The following NCALD variants were observed in gnomAD, a reference collection of about 807,000 sequenced individuals.
NCALD encodes neurocalcin-delta.
Under a neutral mutation model 18.6 loss-of-function variants are expected in NCALD, and 10 were observed. The observed-to-expected ratio is 0.54, with a 90% CI of 0.33 to 0.91. The LOEUF is 0.91. NCALD is among the 40% of genes least tolerant of loss of function. The pLI is 0.03. For missense variants in NCALD, 184 were observed against 247.6 expected (o/e 0.74, Z 1.72); for synonymous variants, 88 against 87.4 (o/e 1.01, Z -0.04).
chr8:101,872,487 G>A, intron 4 of NCALD: 1 of 811,676 alleles, frequency 1.2e-6, no homozygotes, highest in South Asian at 1.4e-5. Context: ...TTTCCTTGGT[G>A]GGTAAGATGC....
intron 2 of NCALD, among the ~76,000 whole-genome samples, chr8:101,710,433 A>G (rs576399955): frequency 1.3e-5 from 2 of 152,306 alleles, no homozygotes; most frequent in East Asian, 3.9e-4. Flanking sequence ...CTCCCCTGGA[A>G]AGGGGGCTGA....
At chr8:102,073,125 C>T (rs561392006) in intron 1 of NCALD, among the ~76,000 whole-genome samples, 5 of 152,060 alleles carry the variant, frequency 3.3e-5, no homozygotes, top group South Asian at 2.1e-4. Flanking sequence ...TAGAATATTG[C>T]AAAGTTATTT....
rs75011017 is a variant in NCALD, at chr8:101,871,666, A to C, written c.-20+15475T>G. On this transcript the variant is annotated intron_variant, in intron 4 of 6. Coordinates refer to the NCALD transcript ENST00000311028. Reference sequence around the variant, plus strand: ...TAGTTTAAAAAAAGAGTTCCAAAATATTTAACAGAATTTCCAGCAATTATT... The same window carrying C: ...TAGTTTAAAAAAAGAGTTCCAAAATCTTTAACAGAATTTCCAGCAATTATT... Among the ~76,000 whole-genome samples the C allele has an allele frequency of 4.5e-4, 69 of 152,004 alleles. 1 individual carries two copies. In the East Asian group the frequency reaches 0.013, roughly 28 times the overall value.
intron 2 of NCALD, among the ~76,000 whole-genome samples, chr8:101,707,903 T>A (rs930593473): frequency 4.6e-4 from 70 of 151,686 alleles, no homozygotes; most frequent in African/African-American, 1.4e-3. Flanking sequence ...AATAAATAAA[T>A]AATAAATAAA....
intron 1 of NCALD, among the ~76,000 whole-genome samples, chr8:101,751,230 C>T (rs1048963768): frequency 2.6e-5 from 4 of 151,976 alleles, no homozygotes; most frequent in African/African-American, 7.2e-5. Context: ...ATGAAAGAAG[C>T]GAGACATAGG....
At chr8:101,699,681 T>C (rs1246135983) in intron 2 of NCALD, among the ~76,000 whole-genome samples, 1 of 152,084 alleles carries the variant, frequency 6.6e-6, no homozygotes, top group African/African-American at 2.4e-5. Flanking sequence ...AAACACCACA[T>C]ATTCTCACTC....
intron 1 of NCALD, among the ~76,000 whole-genome samples, chr8:102,038,820 T>C (rs1003996432): frequency 6.6e-6 from 1 of 152,138 alleles, no homozygotes; most frequent in Non-Finnish European, 1.5e-5. Context: ...GATAGGATGG[T>C]CACTTCCTCA....
At chr8:102,099,742 GAGACC>G (rs1052183915) in intron 1 of NCALD, among the ~76,000 whole-genome samples, 1 of 151,952 alleles carries the variant, frequency 6.6e-6, no homozygotes, top group African/African-American at 2.4e-5. Context: ...TCAGGAGTTT[GAGACC>G]AGCCTGGCCA....
chr8:101,707,903 T>TA (rs1468544552), intron 2 of NCALD, among the ~76,000 whole-genome samples: 1 of 151,572 alleles, frequency 6.6e-6, no homozygotes, highest in African/African-American at 2.4e-5. Context: ...AATAAATAAA[T>TA]AATAAATAAA....
intron 1 of NCALD, among the ~76,000 whole-genome samples, chr8:102,083,679 C>G (rs533759580): frequency 6.6e-6 from 1 of 152,326 alleles, no homozygotes; most frequent in South Asian, 2.1e-4. Context: ...TAGCTATTCT[C>G]TATGATCATA....
intron 2 of NCALD, among the ~76,000 whole-genome samples, chr8:101,962,120 A>C (rs761493727): frequency 6.6e-6 from 1 of 152,176 alleles, no homozygotes; most frequent in Non-Finnish European, 1.5e-5. Flanking sequence ...GTCCATACTT[A>C]ACCACTCAAA....
intron 1 of NCALD, among the ~76,000 whole-genome samples, chr8:101,769,998 G>A (rs1481418867): frequency 2.0e-5 from 3 of 152,160 alleles, no homozygotes; most frequent in Non-Finnish European, 4.4e-5. Flanking sequence ...TTCACAGATT[G>A]ATGAAGCTTT....
At chr8:101,745,838 C>T (rs1220728623) in intron 1 of NCALD, 1 of 152,222 alleles carries the variant, frequency 6.6e-6, no homozygotes, top group Non-Finnish European at 1.5e-5. Context: ...CACCTCACTT[C>T]ACAGATGAGG....
At chr8:101,868,798 C>T (rs1262634343) in intron 4 of NCALD, among the ~76,000 whole-genome samples, 4 of 152,216 alleles carry the variant, frequency 2.6e-5, no homozygotes, top group Admixed American at 6.5e-5. Flanking sequence ...ATCCTGTAAC[C>T]AGGGTCCTTG....
Position 101,998,697 on chromosome 8 carries a change from C to A in NCALD, c.-157+21540G>T, listed in dbSNP as rs115627248. On this transcript the variant is annotated intron_variant, in intron 2 of 6. Transcript: ENST00000311028. ...TACCCCTGCTGCTAGTTTTTGGGAGCCAGATCACCCTCTGTTTATCTCTAT... is the reference window on the plus strand; with the variant it reads ...TACCCCTGCTGCTAGTTTTTGGGAGACAGATCACCCTCTGTTTATCTCTAT... Among the ~76,000 whole-genome samples, 1,118 of 152,244 alleles carry A rather than the reference C, an allele frequency of 7.3e-3. 14 individuals are homozygous for A. Among genetic ancestry groups the A allele is most frequent in the African/African-American group, 0.022 (920 of 41,522 alleles).
chr8:102,106,005 C>T (rs1825433545), intron 1 of NCALD, among the ~76,000 whole-genome samples: 1 of 152,078 alleles, frequency 6.6e-6, no homozygotes, highest in African/African-American at 2.4e-5. Context: ...ACAAGAACCT[C>T]CGTTACTCAA....
At chr8:101,961,228 T>C (rs142695844) in intron 2 of NCALD, among the ~76,000 whole-genome samples, 2 of 152,156 alleles carry the variant, frequency 1.3e-5, no homozygotes, top group Non-Finnish European at 2.9e-5. Context: ...AAGTAAAATA[T>C]TTAGCACAGA....
intron 1 of NCALD, among the ~76,000 whole-genome samples, chr8:102,075,031 G>A (rs1239803390): frequency 6.6e-6 from 1 of 152,112 alleles, no homozygotes; most frequent in Non-Finnish European, 1.5e-5. Context: ...AGGAGGAAGG[G>A]GAAAAGACAA....
chr8:102,049,349 CTA>C (rs1395835234), intron 1 of NCALD, among the ~76,000 whole-genome samples: 1 of 152,192 alleles, frequency 6.6e-6, no homozygotes, highest in African/African-American at 2.4e-5. Flanking sequence ...TAAGTTTCCT[CTA>C]TGTCTTTTCA....
Sources: allele counts gnomAD v4.1 joint callset (sites outside exome capture counted in the v4.1 genomes callset), GRCh38; gene constraint gnomAD v4.1.1; transcripts MANE v1.5; gene names NCBI Gene and HGNC (gene_info 2026-07-23, HGNC 2026-07-21).